The following SYT1 variants were observed in gnomAD, a reference collection of about 807,000 sequenced individuals.
SYT1 encodes synaptotagmin 1.
SYT1 carries 8 observed loss-of-function variants against 44.8 expected under a neutral mutation model. The observed-to-expected ratio is 0.18, with a 90% CI of 0.10 to 0.32. The LOEUF (loss-of-function observed/expected upper bound fraction) is 0.32, where lower values mean the gene tolerates loss of function less well. SYT1 is among the 10% of genes least tolerant of loss of function. SYT1 has a pLI of 1.00. For missense variants in SYT1, 286 were observed against 509.3 expected, an observed-to-expected ratio of 0.56 and a Z score of 4.22; for synonymous variants, 154 against 188.8, an observed-to-expected ratio of 0.82 and a Z score of 1.51.
At chr12:78,986,937 T>C (rs1437741899) in intron 2 of SYT1, among the ~76,000 whole-genome samples, 1 of 152,050 alleles carries the variant, frequency 6.6e-6, no homozygotes, top group African/African-American at 2.4e-5. Context: ...ATAGTTACGA[T>C]GCAGAACTGA....
At chr12:79,278,207 A>G (rs1286276468) in intron 4 of SYT1, among the ~76,000 whole-genome samples, 1 of 152,150 alleles carries the variant, frequency 6.6e-6, no homozygotes. Flanking sequence ...AGTGCAGCAT[A>G]TACATACTTC....
chr12:78,898,566 A>C (rs1217752652), intron 1 of SYT1, among the ~76,000 whole-genome samples: 2 of 152,096 alleles, frequency 1.3e-5, no homozygotes, highest in Non-Finnish European at 2.9e-5. Flanking sequence ...ACAATCCATC[A>C]AGAAACAAAT....
At chr12:79,037,969 T>C (rs1873247493) in intron 2 of SYT1, among the ~76,000 whole-genome samples, 2 of 151,686 alleles carry the variant, frequency 1.3e-5, no homozygotes, top group South Asian at 4.1e-4. Flanking sequence ...TGGCATTTTA[T>C]TTTTGTTTAA....
At chr12:79,065,973 A>G (rs1185763495) in intron 3 of SYT1, among the ~76,000 whole-genome samples, 5 of 152,308 alleles carry the variant, frequency 3.3e-5, no homozygotes, top group African/African-American at 9.6e-5. Flanking sequence ...GTAATTATTC[A>G]CAAGATGGGA....
Position 79,451,949 on chromosome 12 carries a change from G to T in SYT1, c.*2825G>T, listed in dbSNP as rs1448677429. 6.6e-6 allele frequency: 1 copy of T among 152,058 alleles called. No homozygotes were observed. The highest frequency in any genetic ancestry group is 1.5e-5 in the Non-Finnish European group (1 of 68,020). The allele number at this position is 152,058 out of a possible 1,614,324, so 9.4% of individuals were successfully genotyped here. On this transcript the variant is annotated 3_prime_UTR_variant, in exon 11 of 11. Transcript: ENST00000261205. Reference sequence around the variant, plus strand: ...ATTCCACAGTAGTTTTCTGATTGTTGTTAAAAATGACTTAACATATTACAC... The same window carrying T: ...ATTCCACAGTAGTTTTCTGATTGTTTTTAAAAATGACTTAACATATTACAC...
intron 8 of SYT1, among the ~76,000 whole-genome samples, chr12:79,318,119 T>C (rs1386738295): frequency 6.6e-6 from 1 of 152,200 alleles, no homozygotes; most frequent in East Asian, 1.9e-4. Context: ...TCCATTTCTA[T>C]ATAAAGAGAT....
chr12:79,249,592 A>C (rs572016063), intron 4 of SYT1, among the ~76,000 whole-genome samples: 2 of 152,292 alleles, frequency 1.3e-5, no homozygotes, highest in East Asian at 3.9e-4. Flanking sequence ...GATGGCATCA[A>C]AGCATTTTGA....
intron 9 of SYT1, among the ~76,000 whole-genome samples, chr12:79,437,579 A>C (rs1387882318): frequency 6.6e-6 from 1 of 152,208 alleles, no homozygotes; most frequent in Non-Finnish European, 1.5e-5. Context: ...ATTTCTGCAA[A>C]GCTTGCCCAT....
At chr12:79,360,571 A>G (rs1565925271) in intron 9 of SYT1, among the ~76,000 whole-genome samples, 1 of 152,218 alleles carries the variant, frequency 6.6e-6, no homozygotes, top group Non-Finnish European at 1.5e-5. Context: ...TGAACCAATT[A>G]GACAGGGATA....
chr12:79,267,277 A>G (rs1273658994), intron 4 of SYT1, among the ~76,000 whole-genome samples: 2 of 152,186 alleles, frequency 1.3e-5, no homozygotes, highest in African/African-American at 4.8e-5. Flanking sequence ...AAAAGAAACA[A>G]AGTAGATATT....
chr12:79,216,174 G>A (rs558129135), intron 3 of SYT1, among the ~76,000 whole-genome samples: 11 of 151,812 alleles, frequency 7.2e-5, no homozygotes, highest in South Asian at 4.1e-4. Flanking sequence ...CAAGTGATCC[G>A]CCTGCCTCGG....
Position 79,364,181 on chromosome 12 carries a change from T to C in SYT1, c.928+10562T>C, listed in dbSNP as rs563281649. ...GGAATTCTTAAAACCAATTGGTTATTTTAGCCATCATTTTCAGAAGATTTT... is the reference window on the plus strand; with the variant it reads ...GGAATTCTTAAAACCAATTGGTTATCTTAGCCATCATTTTCAGAAGATTTT... On this transcript the variant is annotated intron_variant, in intron 9 of 10. Coordinates refer to ENST00000261205, the MANE Select transcript of SYT1 (RefSeq NM_005639.3). Among the ~76,000 whole-genome samples, 3 of 152,268 alleles carry C rather than the reference T, an allele frequency of 2.0e-5. No individual in the cohort carries two copies. The East Asian group carries it at 5.8e-4, about 29-fold the overall frequency.
chr12:79,390,247 A>G (rs1289825540), intron 9 of SYT1, among the ~76,000 whole-genome samples: 3 of 152,108 alleles, frequency 2.0e-5, no homozygotes, highest in Non-Finnish European at 2.9e-5. Context: ...ATAATTCTTT[A>G]TTATATACTG....
At chr12:79,395,600 T>C (rs1466562688) in intron 9 of SYT1, among the ~76,000 whole-genome samples, 2 of 152,172 alleles carry the variant, frequency 1.3e-5, no homozygotes, top group African/African-American at 4.8e-5. Context: ...TTGCTCAGGC[T>C]GGTCTCAAAC....
At chr12:79,357,048 A>T (rs1259638495) in intron 9 of SYT1, among the ~76,000 whole-genome samples, 1 of 152,250 alleles carries the variant, frequency 6.6e-6, no homozygotes, top group Non-Finnish European at 1.5e-5. Context: ...ACTATAGTGA[A>T]TTAAGATAAT....
intron 3 of SYT1, among the ~76,000 whole-genome samples, chr12:79,120,944 T>TATATAG (rs994055164): frequency 1.4e-4 from 21 of 147,238 alleles, no homozygotes; most frequent in Middle Eastern, 7.2e-3. Flanking sequence ...TATATCTATA[T>TATATAG]ATATATATAG....
At chr12:79,052,582 G>T (rs1050230885) in intron 3 of SYT1, among the ~76,000 whole-genome samples, 1 of 152,100 alleles carries the variant, frequency 6.6e-6, no homozygotes, top group African/African-American at 2.4e-5. Context: ...CTACAGAATG[G>T]GAGAAAATTT....
At chr12:79,082,960 A>G (rs1877135688) in intron 3 of SYT1, among the ~76,000 whole-genome samples, 1 of 152,182 alleles carries the variant, frequency 6.6e-6, no homozygotes, top group Non-Finnish European at 1.5e-5. Context: ...AAATAAAATA[A>G]GCAATAAAAG....
chr12:79,328,845 CAAA>C (rs986493458), intron 8 of SYT1, among the ~76,000 whole-genome samples: 3 of 92,174 alleles, frequency 3.3e-5, no homozygotes, highest in Admixed American at 1.1e-4. Context: ...GACTCCATCT[CAAA>C]AAAAAAAAAA....
Sources: allele counts gnomAD v4.1 joint callset (sites outside exome capture counted in the v4.1 genomes callset), GRCh38; gene constraint gnomAD v4.1.1; transcripts MANE v1.5; gene names NCBI Gene and HGNC (gene_info 2026-07-23, HGNC 2026-07-21).